The following CDK14 variants were observed in gnomAD, a reference collection of about 807,000 sequenced individuals.
CDK14 encodes the protein cyclin-dependent kinase 14.
Under a neutral mutation model 60.7 loss-of-function variants are expected in CDK14, and 34 were observed. The observed-to-expected ratio is 0.56, with a 90% CI of 0.43 to 0.75. The LOEUF (loss-of-function observed/expected upper bound fraction) is 0.75, where lower values mean the gene tolerates loss of function less well. Among genes scored for constraint, CDK14 ranks in the 30% least tolerant of loss-of-function variants. The probability of loss-of-function intolerance (pLI) is 0.00; values close to 1 mark genes in which losing one functional copy is unlikely to be tolerated. For missense variants in CDK14, 482 were observed against 564.1 expected (o/e 0.85, Z 1.47); for synonymous variants, 197 against 203.7 (o/e 0.97, Z 0.28).
chr7:90,674,249 C>T (rs1801154552), intron 2 of CDK14, among the ~76,000 whole-genome samples: 1 of 152,128 alleles, frequency 6.6e-6, no homozygotes. Context: ...GTATTAATTA[C>T]TGGGATAGGA....
At chr7:91,111,726 C>A (rs1298786272) in intron 12 of CDK14, among the ~76,000 whole-genome samples, 2 of 152,090 alleles carry the variant, frequency 1.3e-5, no homozygotes, top group African/African-American at 4.8e-5. Context: ...GTTCAACTAT[C>A]CAGAAATGCT....
intron 10 of CDK14, among the ~76,000 whole-genome samples, chr7:90,999,790 C>G (rs1795791384): frequency 6.6e-6 from 1 of 152,144 alleles, no homozygotes; most frequent in African/African-American, 2.4e-5. Flanking sequence ...TCACACAAAA[C>G]TCAGCAACTT....
chr7:91,056,110 T>C (rs989103226), intron 11 of CDK14, among the ~76,000 whole-genome samples: 1 of 152,132 alleles, frequency 6.6e-6, no homozygotes. Context: ...GATTGGAAGT[T>C]TGGATGTAAA....
intron 6 of CDK14, among the ~76,000 whole-genome samples, chr7:90,879,545 C>T (rs1476045071): frequency 6.6e-6 from 1 of 151,962 alleles, no homozygotes; most frequent in Admixed American, 6.6e-5. Context: ...GCCATGGTAT[C>T]CAAGTTCTCT....
intron 11 of CDK14, among the ~76,000 whole-genome samples, chr7:91,059,617 T>C (rs534997412): frequency 2.0e-5 from 3 of 152,072 alleles, no homozygotes; most frequent in South Asian, 2.1e-4. Flanking sequence ...TTTGTTCTCA[T>C]TGGTTTCAAA....
chr7:90,869,388 G>A (rs774352044), intron 6 of CDK14, among the ~76,000 whole-genome samples: 3 of 152,210 alleles, frequency 2.0e-5, no homozygotes, highest in Non-Finnish European at 2.9e-5. Context: ...CAGCAGGGCT[G>A]TGGCTTGCAG....
At chr7:90,704,266 C>T (rs1161639548) in intron 2 of CDK14, among the ~76,000 whole-genome samples, 2 of 152,192 alleles carry the variant, frequency 1.3e-5, no homozygotes, top group Admixed American at 1.3e-4. Context: ...ATAGCTCTAG[C>T]TTTGGATTTT....
intron 6 of CDK14, among the ~76,000 whole-genome samples, chr7:90,870,023 C>T (rs1181409452): frequency 1.3e-5 from 2 of 152,162 alleles, no homozygotes; most frequent in African/African-American, 4.8e-5. Context: ...GTTTTGACTG[C>T]ACAGGACCAT....
In CDK14 at chr7:91,037,759, T is replaced by C. The variant is rs73403383; in HGVS notation, c.1042-8138T>C. On this transcript the variant is annotated intron_variant, in intron 10 of 14. Coordinates refer to ENST00000380050, the MANE Select transcript of CDK14 (RefSeq NM_001287135.2). ...TTATTTTCTTGATGCCTGGCTAAAA[T>C]CGACATATGCTGGAAGAGCAAAGGT... Among the ~76,000 whole-genome samples, 1,083 of 151,996 alleles carry C rather than the reference T, an allele frequency of 7.1e-3. 15 individuals carry two copies. The highest frequency in any genetic ancestry group is 0.025 in the African/African-American group (1,036 of 41,442).
chr7:90,642,826 G>A (rs189004440), intron 2 of CDK14, among the ~76,000 whole-genome samples: 23 of 152,176 alleles, frequency 1.5e-4, no homozygotes, highest in Admixed American at 5.2e-4. Flanking sequence ...ATTTCTTTGA[G>A]TATCAAAGTA....
chr7:91,059,319 C>T (rs1229369184), intron 11 of CDK14, among the ~76,000 whole-genome samples: 6 of 151,946 alleles, frequency 3.9e-5, no homozygotes, highest in East Asian at 1.9e-4. Flanking sequence ...GTCTTGCTAG[C>T]GGTCTATCAA....
chr7:90,739,593 C>T (rs531468192), intron 3 of CDK14, among the ~76,000 whole-genome samples: 1 of 152,162 alleles, frequency 6.6e-6, no homozygotes, highest in East Asian at 1.9e-4. Flanking sequence ...TTTTGGCTTC[C>T]TGTTCTCTTG....
At chr7:90,889,824 G>T (rs117625517) in intron 6 of CDK14, among the ~76,000 whole-genome samples, 2,195 of 152,258 alleles carry the variant, frequency 0.014, 22 homozygotes, top group Non-Finnish European at 0.022. Flanking sequence ...ATATCTGAGT[G>T]TTTGATGATG....
intron 14 of CDK14, among the ~76,000 whole-genome samples, chr7:91,176,332 C>A (rs1157189225): frequency 3.3e-5 from 5 of 152,166 alleles, no homozygotes; most frequent in Admixed American, 2.0e-4. Context: ...AAATTTATAG[C>A]ACTAAATGCC....
At chr7:90,635,420 G>T (rs1258017905) in intron 2 of CDK14, among the ~76,000 whole-genome samples, 1 of 152,240 alleles carries the variant, frequency 6.6e-6, no homozygotes, top group African/African-American at 2.4e-5. Context: ...TTTTTCTCAG[G>T]TCTGTCAAAG....
chr7:91,201,820 T>G (rs772280844), intron 14 of CDK14, among the ~76,000 whole-genome samples: 5 of 152,194 alleles, frequency 3.3e-5, no homozygotes, highest in African/African-American at 4.8e-5. Context: ...TTCAGTTTGC[T>G]CAAAAGAGTG....
At chr7:90,812,299 G>A (rs143886557) in intron 5 of CDK14, among the ~76,000 whole-genome samples, 2 of 152,264 alleles carry the variant, frequency 1.3e-5, no homozygotes, top group African/African-American at 4.8e-5. Context: ...AAAAAATGAT[G>A]AGTTCATGTC....
At chr7:90,818,005 A>C (rs1486581204) in intron 5 of CDK14, among the ~76,000 whole-genome samples, 1 of 152,160 alleles carries the variant, frequency 6.6e-6, no homozygotes, top group East Asian at 1.9e-4. Context: ...TCTGACTCTT[A>C]AAGCACAGCT....
At chr7:90,601,250 A>T (rs1466224292) in intron 1 of CDK14, among the ~76,000 whole-genome samples, 1 of 152,246 alleles carries the variant, frequency 6.6e-6, no homozygotes, top group Non-Finnish European at 1.5e-5. Context: ...TTACATTTAC[A>T]TGAATGATTA....
Sources: gnomAD v4.1 joint callset for allele counts (sites outside exome capture counted in the v4.1 genomes callset) on GRCh38, gnomAD v4.1.1 for gene constraint, MANE v1.5 for transcripts, NCBI Gene and HGNC (gene_info 2026-07-23, HGNC 2026-07-21) for gene names.